Variants in STPG2 observed in about 807,000 individuals in gnomAD.
STPG2 encodes the protein sperm-tail PG-rich repeat-containing protein 2.
In STPG2, 56 loss-of-function variants were observed where a neutral mutation model predicts 54.2. That is an observed-to-expected ratio of 1.03 (90% CI 0.83 to 1.29). STPG2 has a LOEUF of 1.29. STPG2 is among the 50% of genes most tolerant of loss of function. The probability of loss-of-function intolerance (pLI) is 0.00; values close to 1 mark genes in which losing one functional copy is unlikely to be tolerated. For synonymous variants in STPG2, 200 were observed against 181.8 expected (o/e 1.10, Z -0.81); for missense variants, 596 against 544.9 (o/e 1.09, Z -0.93).
intron 10 of STPG2, among the ~76,000 whole-genome samples, chr4:97,618,047 A>G (rs1733918835): frequency 6.6e-6 from 1 of 152,158 alleles, no homozygotes; most frequent in South Asian, 2.1e-4. Context: ...AGCATCCAAC[A>G]TGCTCTTCTG....
intron 10 of STPG2, among the ~76,000 whole-genome samples, chr4:97,699,999 T>C (rs1252275123): frequency 1.3e-5 from 2 of 152,178 alleles, no homozygotes; most frequent in African/African-American, 2.4e-5. Context: ...CAGTTAATGA[T>C]AGGCAGTTGA....
intron 4 of STPG2, among the ~76,000 whole-genome samples, chr4:97,538,725 C>A (rs1016036500): frequency 6.6e-6 from 1 of 152,066 alleles, no homozygotes; most frequent in Non-Finnish European, 1.5e-5. Flanking sequence ...AGAGCAACTC[C>A]AAGACACATA....
At chr4:97,683,932 C>T (rs1293077585) in intron 10 of STPG2, among the ~76,000 whole-genome samples, 2 of 151,712 alleles carry the variant, frequency 1.3e-5, no homozygotes, top group Non-Finnish European at 3.0e-5. Flanking sequence ...ACAAAACATA[C>T]ACAAAAGTCA....
At chr4:97,871,247 T>A (rs1166354477) in intron 8 of STPG2, among the ~76,000 whole-genome samples, 2 of 149,782 alleles carry the variant, frequency 1.3e-5, no homozygotes, top group Non-Finnish European at 3.0e-5. Context: ...AAAATAACAA[T>A]CACATAAAGC....
At chr4:97,637,079 T>G (rs1451102159) in intron 10 of STPG2, among the ~76,000 whole-genome samples, 5 of 152,100 alleles carry the variant, frequency 3.3e-5, no homozygotes, top group African/African-American at 9.7e-5. Context: ...TGAACATTGA[T>G]GCAAAAATCC....
chr4:97,783,638 C>A (rs565185166), intron 9 of STPG2, among the ~76,000 whole-genome samples: 1 of 152,100 alleles, frequency 6.6e-6, no homozygotes, highest in Non-Finnish European at 1.5e-5. Context: ...ATGTTTACTG[C>A]GGCACTATTC....
At chr4:97,456,912 T>TAA (rs1166086887) in intron 4 of STPG2, among the ~76,000 whole-genome samples, 4 of 97,222 alleles carry the variant, frequency 4.1e-5, no homozygotes, top group Admixed American at 9.1e-5. Context: ...AAAAGAAAAT[T>TAA]AAAAAAAAAA....
chr4:97,947,717 C>T (rs1405746013), intron 7 of STPG2, among the ~76,000 whole-genome samples: 2 of 151,762 alleles, frequency 1.3e-5, no homozygotes, highest in African/African-American at 4.8e-5. Flanking sequence ...TACTGACATG[C>T]TTATGTTAAA....
At chr4:97,798,000 G>T (rs1235986292) in intron 9 of STPG2, among the ~76,000 whole-genome samples, 2 of 152,082 alleles carry the variant, frequency 1.3e-5, no homozygotes, top group African/African-American at 2.4e-5. Context: ...ATTCTCTGAT[G>T]GTAGTTTGTA....
chr4:97,829,235 G>A (rs1157147701), intron 9 of STPG2, among the ~76,000 whole-genome samples: 1 of 152,074 alleles, frequency 6.6e-6, no homozygotes, highest in African/African-American at 2.4e-5. Context: ...AGGCAAACAG[G>A]GTCTGGAGTA....
chr4:97,741,978 T>G (rs1198371874), intron 9 of STPG2, among the ~76,000 whole-genome samples: 1 of 152,048 alleles, frequency 6.6e-6, no homozygotes, highest in East Asian at 1.9e-4. Context: ...TGTCCAACAA[T>G]GATAGACTGG....
intron 9 of STPG2, among the ~76,000 whole-genome samples, chr4:97,837,229 T>C (rs1300565911): frequency 1.3e-5 from 2 of 151,706 alleles, no homozygotes; most frequent in Non-Finnish European, 3.0e-5. Flanking sequence ...CTTAGGATGA[T>C]CTTAGAAGCA....
intron 9 of STPG2, among the ~76,000 whole-genome samples, chr4:97,815,828 A>G (rs1017318105): frequency 1.3e-5 from 2 of 152,142 alleles, no homozygotes; most frequent in Admixed American, 6.6e-5. Flanking sequence ...TAGACTTGTG[A>G]TAGCTAATTT....
intron 8 of STPG2, among the ~76,000 whole-genome samples, chr4:97,891,770 G>A (rs1730778938): frequency 6.6e-6 from 1 of 151,930 alleles, no homozygotes; most frequent in Admixed American, 6.6e-5. Flanking sequence ...TTTCTGGATT[G>A]GAATTACCTA....
intron 5 of STPG2, among the ~76,000 whole-genome samples, chr4:98,010,345 T>C (rs1421929001): frequency 1.3e-5 from 2 of 152,180 alleles, no homozygotes; most frequent in East Asian, 3.8e-4. Context: ...AATTTCTTCA[T>C]TGACCTGGCC....
intron 5 of STPG2, among the ~76,000 whole-genome samples, chr4:98,033,488 G>A (rs909957121): frequency 2.4e-4 from 37 of 151,984 alleles, no homozygotes; most frequent in Non-Finnish European, 4.6e-4. Flanking sequence ...AAATGTCCAG[G>A]ACCAGATGGA....
intron 5 of STPG2, among the ~76,000 whole-genome samples, chr4:98,015,585 T>C (rs1440801250): frequency 2.6e-5 from 4 of 152,064 alleles, no homozygotes; most frequent in Admixed American, 2.0e-4. Context: ...TGTGGAGAAA[T>C]AGGAACATTT....
chr4:97,838,370 T>G (rs983308915), intron 9 of STPG2, among the ~76,000 whole-genome samples: 12 of 151,400 alleles, frequency 7.9e-5, no homozygotes, highest in African/African-American at 2.9e-4. Flanking sequence ...TACAATGATG[T>G]TTTAAAAATC....
chr4:97,773,345 G>A (rs1213896868), intron 9 of STPG2, among the ~76,000 whole-genome samples: 1 of 151,882 alleles, frequency 6.6e-6, no homozygotes, highest in African/African-American at 2.4e-5. Flanking sequence ...TTACAGACAG[G>A]GTCTTATTCT....
Sources: allele counts gnomAD v4.1 joint callset (sites outside exome capture counted in the v4.1 genomes callset), GRCh38; gene constraint gnomAD v4.1.1; transcripts MANE v1.5; gene names NCBI Gene and HGNC (gene_info 2026-07-23, HGNC 2026-07-21).